Variants in MTPAP observed in about 807,000 individuals in gnomAD.
MTPAP encodes the protein poly(A) RNA polymerase, mitochondrial.
A neutral mutation model predicts 48.7 loss-of-function variants in MTPAP; 23 were observed. The observed-to-expected ratio is 0.47, with a 90% CI of 0.34 to 0.67. The LOEUF is 0.67. MTPAP is among the 30% of genes least tolerant of loss of function. The pLI, the probability that MTPAP is intolerant of heterozygous loss-of-function variation, is 0.01. For missense variants in MTPAP, 614 were observed against 694.3 expected (o/e 0.88, Z 1.30); for synonymous variants, 257 against 254.1 (o/e 1.01, Z -0.11).
chr10:30,314,092 G>C, intron 8 of MTPAP, 121 bp from the exon 9 acceptor site: 1 of 1,180,934 alleles, frequency 8.5e-7, no homozygotes, highest in Non-Finnish European at 1.2e-6. Context: ...ACATAGCAAA[G>C]AATTTCTTTC....
At chr10:30,327,663 T>C (rs550596856) in intron 4 of MTPAP, among the ~76,000 whole-genome samples, 9 of 151,942 alleles carry the variant, frequency 5.9e-5, no homozygotes, top group African/African-American at 2.2e-4. Flanking sequence ...CTGGCCAACA[T>C]GGTGAAACCC....
At chr10:30,324,811 G>A (rs1834563805) in intron 5 of MTPAP, among the ~76,000 whole-genome samples, 1 of 152,106 alleles carries the variant, frequency 6.6e-6, no homozygotes, top group African/African-American at 2.4e-5. Context: ...AGACCAGCCT[G>A]GCCAACATGA....
chr10:30,317,087 T>C (rs1052703851), intron 6 of MTPAP, among the ~76,000 whole-genome samples: 1 of 152,296 alleles, frequency 6.6e-6, no homozygotes, highest in East Asian at 1.9e-4. Flanking sequence ...CTTCTTTTAA[T>C]GGAGTTATAT....
intron 4 of MTPAP, 61 bp downstream of exon 4, chr10:30,336,741 AT>A: frequency 7.6e-7 from 1 of 1,307,598 alleles, no homozygotes; most frequent in Middle Eastern, 2.6e-4. Context: ...AAGTTCAAAG[AT>A]TTTTCTTTTT....
chr10:30,316,213 T>A lies in MTPAP; in HGVS notation c.1220-3A>T, dbSNP rs2132844320. ...TATTACACATTTATCTTCTGCATCT[T>A]AAACACAAACAAAAAATATTTCACG... On this transcript the variant is annotated splice_region_variant and splice_polypyrimidine_tract_variant and intron_variant, in intron 6 of 8. Transcript: ENST00000263063. 1 of 1,608,670 alleles carries A rather than the reference T, an allele frequency of 6.2e-7. No homozygotes were observed.
intron 6 of MTPAP, 55 bp from the exon 7 acceptor site, chr10:30,316,265 T>C (rs1840661201): frequency 1.5e-6 from 2 of 1,317,594 alleles, no homozygotes; most frequent in African/African-American, 1.5e-5. Context: ...TTGCCTGAGA[T>C]GGAGTCTCAC....
In MTPAP at chr10:30,313,518, A is replaced by G; in HGVS notation, c.*91T>C. ...GAAAAGTGACATCAGATGAAAGCTG[A>G]GATCTGTGAAAGTTTCAAATCAGTT... is the stretch of plus-strand genomic sequence containing the variant. On this transcript the variant is annotated 3_prime_UTR_variant, in exon 9 of 9. Transcript: ENST00000263063. 1 of 1,520,798 alleles carries G rather than the reference A, an allele frequency of 6.6e-7. No individual in the cohort carries two copies. The highest frequency in any genetic ancestry group is 1.1e-5 in the South Asian group (1 of 88,138). 94.2% of individuals were successfully genotyped at this position (1,520,798 alleles called of 1,614,324 possible). A position where few individuals can be genotyped will look rare whatever the true frequency, so the allele number is the denominator to read the frequency against.
chr10:30,317,770 T>C (rs961607556), intron 6 of MTPAP, among the ~76,000 whole-genome samples: 11 of 152,210 alleles, frequency 7.2e-5, no homozygotes, highest in East Asian at 1.9e-4. Context: ...CTATTCATTA[T>C]TGCCCAACTC....
At chr10:30,323,470 A>AG (rs1191457709) in intron 5 of MTPAP, among the ~76,000 whole-genome samples, 1 of 151,672 alleles carries the variant, frequency 6.6e-6, no homozygotes, top group Non-Finnish European at 1.5e-5. Flanking sequence ...AAAAAAAAAA[A>AG]AAAGAAATAA....
At chr10:30,326,712 G>T in intron 4 of MTPAP, 77 bp from the exon 5 acceptor site, 1 of 1,057,720 alleles carries the variant, frequency 9.5e-7, no homozygotes, top group Non-Finnish European at 1.4e-6. Context: ...GTAAAAGAAT[G>T]CTCTAAATCA....
chr10:30,316,694 A>G (rs1179093759), intron 6 of MTPAP, among the ~76,000 whole-genome samples: 2 of 151,510 alleles, frequency 1.3e-5, no homozygotes, highest in African/African-American at 4.8e-5. Context: ...GTTCGAGACC[A>G]GCCTGGCCAA....
At position 30,316,163 on chromosome 10, in the gene MTPAP, G is replaced by A. The variant is rs1429255061; in HGVS notation, c.1267C>T (p.Arg423Cys). The A allele has an allele frequency of 1.9e-6, 3 of 1,613,676 alleles. No individual in the cohort carries two copies. Among genetic ancestry groups the A allele is most frequent in the African/African-American group, 1.3e-5 (1 of 74,854 alleles). ...VIEGNNCTFV[R>C]DLSRIKPSQN... Reference sequence around the variant, plus strand: ...GAAGGTTTAATTCTACTCAAGTCACGAACAAATGTGCAGTTGTTGCCTTCT... The same window carrying A: ...GAAGGTTTAATTCTACTCAAGTCACAAACAAATGTGCAGTTGTTGCCTTCT... The change falls in exon 7 of 9, where the codon CGT (arginine) becomes TGT (cysteine). Residue 423 changes from arginine (R) to cysteine (C), a missense_variant. Arg to Cys is a radical substitution (Grantham distance 180). Coordinates refer to ENST00000263063, the MANE Select transcript of MTPAP (RefSeq NM_018109.4).
intron 8 of MTPAP, among the ~76,000 whole-genome samples, chr10:30,315,108 A>C (rs16931368): frequency 0.079 from 12,070 of 152,150 alleles, 1,578 homozygotes; most frequent in African/African-American, 0.27. Context: ...TGAGCTTTGG[A>C]GTACAAAAAA....
At chr10:30,338,877 A>G (rs1296424018) in intron 3 of MTPAP, among the ~76,000 whole-genome samples, 1 of 152,154 alleles carries the variant, frequency 6.6e-6, no homozygotes, top group Non-Finnish European at 1.5e-5. Flanking sequence ...TAATCCCAGC[A>G]CTTTGGGAGG....
chr10:30,333,052 C>T (rs1000074678), intron 4 of MTPAP, among the ~76,000 whole-genome samples: 2 of 151,740 alleles, frequency 1.3e-5, no homozygotes, highest in Admixed American at 6.6e-5. Flanking sequence ...ACCCGGGAGG[C>T]GGAGCTTGCA....
chr10:30,346,044 A>G (rs1157385072), intron 1 of MTPAP, among the ~76,000 whole-genome samples: 1 of 138,946 alleles, frequency 7.2e-6, no homozygotes, highest in East Asian at 2.0e-4. Flanking sequence ...TTCTCAAAAG[A>G]AAAAAAAAAA....
chr10:30,341,901 T>C (rs1834812451), intron 1 of MTPAP, among the ~76,000 whole-genome samples: 1 of 152,132 alleles, frequency 6.6e-6, no homozygotes, highest in Non-Finnish European at 1.5e-5. Context: ...TACACATACA[T>C]TGCTATGATA....
intron 6 of MTPAP, 74 bp from the exon 7 acceptor site, chr10:30,316,284 C>G: frequency 8.6e-7 from 1 of 1,161,714 alleles, no homozygotes. Context: ...ACTCTGTCAT[C>G]CAGGCTGGAG....
chr10:30,325,418 A>G (rs1834573613), intron 5 of MTPAP, among the ~76,000 whole-genome samples: 1 of 152,220 alleles, frequency 6.6e-6, no homozygotes, highest in East Asian at 1.9e-4. Flanking sequence ...TCATGCAATG[A>G]GAAGTTAAGA....
Sources: allele counts gnomAD v4.1 joint callset (sites outside exome capture counted in the v4.1 genomes callset), GRCh38; gene constraint gnomAD v4.1.1; transcripts MANE v1.5; gene names NCBI Gene and HGNC (gene_info 2026-07-23, HGNC 2026-07-21).